The following BICD2 variants were observed in gnomAD, a reference collection of about 807,000 sequenced individuals.
BICD2 encodes protein bicaudal D homolog 2.
A neutral mutation model predicts 72.9 loss-of-function variants in BICD2; 25 were observed. The ratio of observed to expected loss-of-function variants is 0.34; its 90% confidence interval spans 0.25 to 0.48. The LOEUF is 0.48. Among genes scored for constraint, BICD2 ranks in the 20% least tolerant of loss-of-function variants. The probability of loss-of-function intolerance (pLI) is 0.99; values close to 1 mark genes in which losing one functional copy is unlikely to be tolerated. For synonymous variants in BICD2, 501 were observed against 516.1 expected (o/e 0.97, Z 0.40); for missense variants, 894 against 1,175.2 (o/e 0.76, Z 3.50).
chr9:92,759,444 T>G (rs556902214), intron 1 of BICD2, among the ~76,000 whole-genome samples: 1 of 152,312 alleles, frequency 6.6e-6, no homozygotes, highest in Non-Finnish European at 1.5e-5. Context: ...GGGCCCCCAG[T>G]GACCTCCTCC....
At chr9:92,718,171 AAACCTGCC>A (rs1407262296) in intron 5 of BICD2, among the ~76,000 whole-genome samples, 4 of 152,218 alleles carry the variant, frequency 2.6e-5, no homozygotes, top group Admixed American at 6.5e-5. Flanking sequence ...GACTGCCCCT[AAACCTGCC>A]AACAGGACCT....
chr9:92,734,349 T>C (rs1291237907), intron 1 of BICD2, among the ~76,000 whole-genome samples: 1 of 151,880 alleles, frequency 6.6e-6, no homozygotes, highest in African/African-American at 2.4e-5. Context: ...CCGTCTCTAC[T>C]AAAAATACAA....
chr9:92,739,583 G>A (rs551042802), intron 1 of BICD2, among the ~76,000 whole-genome samples: 20 of 152,144 alleles, frequency 1.3e-4, no homozygotes, highest in South Asian at 4.1e-4. Context: ...AGCAAGACCC[G>A]ACCCCCGACC....
intron 2 of BICD2, among the ~76,000 whole-genome samples, chr9:92,723,820 A>T (rs1274358017): frequency 6.6e-6 from 1 of 152,162 alleles, no homozygotes; most frequent in East Asian, 1.9e-4. Context: ...ATCAAGACAG[A>T]ATTTCCAACT....
chr9:92,724,493 CCT>C (rs1361633940), intron 2 of BICD2, among the ~76,000 whole-genome samples: 4 of 152,110 alleles, frequency 2.6e-5, no homozygotes, highest in African/African-American at 9.7e-5. Flanking sequence ...CAGACATGGC[CCT>C]CTCATTATAA....
At chr9:92,739,297 G>A (rs758822239) in intron 1 of BICD2, among the ~76,000 whole-genome samples, 2 of 152,176 alleles carry the variant, frequency 1.3e-5, no homozygotes, top group Non-Finnish European at 2.9e-5. Flanking sequence ...TCTCTGGTAG[G>A]TACCAATGAT....
intron 6 of BICD2, 118 bp downstream of exon 6, chr9:92,717,679 C>CT: frequency 7.4e-7 from 1 of 1,343,710 alleles, no homozygotes; most frequent in Non-Finnish European, 9.9e-7. Flanking sequence ...GGCACAGCCA[C>CT]TGACTAGTCA....
intron 1 of BICD2, among the ~76,000 whole-genome samples, chr9:92,760,039 G>GCAT (rs1041287202): frequency 6.6e-5 from 10 of 152,258 alleles, no homozygotes; most frequent in African/African-American, 2.2e-4. Context: ...AAGGTAACAG[G>GCAT]CATCATCATT....
Position 92,756,615 on chromosome 9 carries a change from G to A in BICD2, c.240+7890C>T, listed in dbSNP as rs192382023. 9.1e-3 allele frequency among the ~76,000 whole-genome samples: 1,363 copies of A among 149,154 alleles called. 24 individuals carry two copies. The highest frequency in any genetic ancestry group is 0.032 in the African/African-American group (1,315 of 41,038). ...AGGCCAGGCACAGTGGCTCACGCCTGTAATCCCAGCACTTTGGGAGGCCGA... is the reference window on the plus strand; with the variant it reads ...AGGCCAGGCACAGTGGCTCACGCCTATAATCCCAGCACTTTGGGAGGCCGA... On this transcript the variant is annotated intron_variant, in intron 1 of 6. Transcript: ENST00000356884.
chr9:92,734,691 A>G (rs1853743243), intron 1 of BICD2, among the ~76,000 whole-genome samples: 1 of 151,858 alleles, frequency 6.6e-6, no homozygotes, highest in Admixed American at 6.6e-5. Flanking sequence ...GGAGTTCACC[A>G]TCTGATTAAG....
At chr9:92,737,004 C>A (rs1853801724) in intron 1 of BICD2, among the ~76,000 whole-genome samples, 1 of 152,118 alleles carries the variant, frequency 6.6e-6, no homozygotes, top group South Asian at 2.1e-4. Context: ...CCACCCAAAC[C>A]CCTAGGAGAT....
At chr9:92,716,711 A>AGC (rs1319811143) in intron 6 of BICD2, among the ~76,000 whole-genome samples, 4 of 152,370 alleles carry the variant, frequency 2.6e-5, no homozygotes, top group Non-Finnish European at 5.9e-5. Context: ...AGTGAAAGAC[A>AGC]GCGGTACCTG....
At position 92,720,741 on chromosome 9, in the gene BICD2, G is replaced by A. The variant is rs1197547096; in HGVS notation, c.621C>T (p.Gly207=). 6.2e-7 allele frequency: 1 copy of A among 1,613,594 alleles called. No individual in the cohort carries two copies. The highest frequency in any genetic ancestry group is 8.5e-7 in the Non-Finnish European group (1 of 1,179,674). Residue 207 remains glycine (G), a synonymous_variant, in exon 4 of 7, where the codon GGC becomes GGT. Transcript: ENST00000356884. The surrounding 1 kb of genome is among the most constrained non-coding windows in gnomAD (Gnocchi z 5.4). ...CCAGACGCTTGATCTCATGCTTGAGGCCCTCAAACTCCACCTGGGAAGAGA... is the reference window on the plus strand; with the variant it reads ...CCAGACGCTTGATCTCATGCTTGAGACCCTCAAACTCCACCTGGGAAGAGA... The part of the protein sequence containing the change: ...VLRQNQVEFE[G]LKHEIKRLEE...
chr9:92,764,333 G>A lies in BICD2; in HGVS notation c.240+172C>T, dbSNP rs1469863473. The stretch of plus-strand genomic sequence containing the variant: ...TCTGCAACGGCCGCGGCACCGGCCT[G>A]CTAGCCAAGGCCGGGCCCACTCCCA... On this transcript the variant is annotated intron_variant, in intron 1 of 6. Coordinates refer to ENST00000356884, the MANE Select transcript of BICD2 (RefSeq NM_001003800.2). This position sits in a 1 kb window ranked among gnomAD's most constrained non-coding sequence, Gnocchi z 5.5. 1.3e-5 allele frequency among the ~76,000 whole-genome samples: 2 copies of A among 152,138 alleles called. No individual in the cohort carries two copies. The highest frequency in any genetic ancestry group is 4.8e-5 in the African/African-American group (2 of 41,432).
In BICD2 at chr9:92,713,047, G is replaced by A. The variant is rs985651301; in HGVS notation, c.*2107C>T. The A allele has an allele frequency of 2.6e-5, 5 of 194,710 alleles. No individual in the cohort carries two copies. The highest frequency in any genetic ancestry group is 9.3e-5 in the South Asian group (1 of 10,748). 12.1% of individuals were successfully genotyped at this position (194,710 alleles called of 1,614,324 possible). ...CTACAGGACCACGAGCATAGACCAC[G>A]GCACCTGAGACCGTCTCTACGCGAG... On this transcript the variant is annotated 3_prime_UTR_variant, in exon 7 of 7. Coordinates refer to ENST00000356884, the MANE Select transcript of BICD2 (RefSeq NM_001003800.2).
Position 92,749,234 on chromosome 9 carries a change from C to G in BICD2, c.240+15271G>C, listed in dbSNP as rs542282458. ...AGGCCAGGAGGCAGCGCCCGCCCAC[C>G]TCTGCCAGCCTATATCTATCAAGCT... On this transcript the variant is annotated intron_variant, in intron 1 of 6. Transcript: ENST00000356884. Among the ~76,000 whole-genome samples the G allele has an allele frequency of 3.9e-5, 6 of 152,318 alleles. No individual in the cohort carries two copies. The East Asian group carries it at 1.2e-3, about 29-fold the overall frequency.
chr9:92,760,059 C>T (rs1854339831), intron 1 of BICD2, among the ~76,000 whole-genome samples: 1 of 152,166 alleles, frequency 6.6e-6, no homozygotes, highest in South Asian at 2.1e-4. Flanking sequence ...TAACCTATCA[C>T]GGCCCAGACA....
chr9:92,738,960 C>T (rs1185602934), intron 1 of BICD2, among the ~76,000 whole-genome samples: 2 of 152,190 alleles, frequency 1.3e-5, no homozygotes, highest in East Asian at 3.9e-4. Context: ...CCACACTTGT[C>T]CCTGAAGGGC....
intron 1 of BICD2, among the ~76,000 whole-genome samples, chr9:92,754,417 C>T (rs1350605628): frequency 3.9e-5 from 6 of 152,178 alleles, no homozygotes; most frequent in African/African-American, 1.4e-4. Flanking sequence ...AAATTCTCAT[C>T]GTGTTCAAAC....
Sources: gnomAD v4.1 joint callset for allele counts (sites outside exome capture counted in the v4.1 genomes callset) on GRCh38, gnomAD v4.1.1 for gene constraint, Gnocchi (gnomAD v3.1) non-coding constraint, MANE v1.5 for transcripts, NCBI Gene and HGNC (gene_info 2026-07-23, HGNC 2026-07-21) for gene names.